The following PIGO variants were observed in gnomAD, a reference collection of about 807,000 sequenced individuals.
The protein encoded by PIGO is phosphatidylinositol glycan anchor biosynthesis class O.
Under a neutral mutation model 86.9 loss-of-function variants are expected in PIGO, and 66 were observed. That is an observed-to-expected ratio of 0.76 (90% CI 0.62 to 0.93). The LOEUF (loss-of-function observed/expected upper bound fraction) is 0.93. Ranked by LOEUF, PIGO falls within the 40% of genes least tolerant of loss-of-function variation. The pLI, the probability that PIGO is intolerant of heterozygous loss-of-function variation, is 0.00. For synonymous variants in PIGO, 570 were observed against 556.4 expected (o/e 1.02, Z -0.34); for missense variants, 1,202 against 1,359.1 (o/e 0.88, Z 1.82).
chr9:35,092,567 G>A lies in PIGO; in HGVS notation c.1320C>T (p.Ile440=), dbSNP rs780469801. 2.4e-5 allele frequency: 39 copies of A among 1,614,100 alleles called. No individual in the cohort carries two copies. The highest frequency in any genetic ancestry group is 8.0e-5 in the African/African-American group (6 of 74,942). Residue 440 remains isoleucine (I), a synonymous_variant, in exon 7 of 11, where the codon ATC becomes ATT. Coordinates refer to ENST00000378617, the MANE Select transcript of PIGO (RefSeq NM_032634.4). ...CCAGAGAGAAACGAGCCCAAGACTCGATGCACATGGCCCGAGCTCCCCGCA... is the reference window on the plus strand; with the variant it reads ...CCAGAGAGAAACGAGCCCAAGACTCAATGCACATGGCCCGAGCTCCCCGCA... ...QFLRGARAMC[I]ESWARFSLVR... is the part of the protein sequence containing the mutation.
rs754162274 is a variant in PIGO at position 35,096,580 on chromosome 9, TGCG to T, written c.-430_-428del. ...GCTCACCTGCAATGGCACCCGGAAG[TGCG>T]GCGGCGGCGGCGCCTGCGACCTGGC... On this transcript the variant is annotated 5_prime_UTR_variant, in exon 1 of 11. Transcript: ENST00000378617. 8.5e-5 allele frequency: 13 copies of T among 152,730 alleles called. No individual in the cohort carries two copies. The highest frequency in any genetic ancestry group is 1.9e-4 in the Non-Finnish European group (13 of 68,522). The allele number at this position is 152,730 out of a possible 1,614,324, so 9.5% of individuals were successfully genotyped here.
At chr9:35,094,144 CAG>C in intron 3 of PIGO, 70 bp downstream of exon 3, 3 of 1,555,772 alleles carry the variant, frequency 1.9e-6, no homozygotes, top group African/African-American at 2.8e-5. Flanking sequence ...ATAGGTGGCT[CAG>C]AATTTGTGGA....
chr9:35,093,450 TG>T lies in PIGO; in HGVS notation c.909del (p.Thr304GlnfsTer14). 1 of 1,614,140 alleles carries T rather than the reference TG, an allele frequency of 6.2e-7. No homozygotes were observed. Among genetic ancestry groups the T allele is most frequent in the Non-Finnish European group, 8.5e-7 (1 of 1,180,014 alleles). On this transcript the variant is annotated frameshift_variant, in exon 5 of 11. Transcript: ENST00000378617. LOFTEE classifies it high-confidence loss of function. ...EVSAALFLYSPTAVFPSTPPE... is the reference protein window; with the variant it reads ...EVSAALFLYSXTAVFPSTPPE... ...GGTGGGGTGCTGGGGAAGACTGCTG[TG>T]GGGCTATACAGAAAGAGAGCAGCTG... is the stretch of plus-strand genomic sequence containing the variant.
In PIGO at chr9:35,095,271, G is replaced by A. The variant is rs1477214866; in HGVS notation, c.295C>T (p.Pro99Ser). 1 of 1,614,158 alleles carries A rather than the reference G, an allele frequency of 6.2e-7. No individual in the cohort carries two copies. Among genetic ancestry groups the A allele is most frequent in the South Asian group, 1.1e-5 (1 of 91,080 alleles). The change falls in exon 2 of 11, where the codon CCC becomes TCC. Residue 99 changes from proline (P) to serine (S), a missense_variant. Pro to Ser is a moderately conservative substitution (Grantham distance 74). Transcript: ENST00000378617. ...HVPREPPVSL[P>S]FLGKLSSLQR... ...AAGGAGCTTAGTTTGCCCAGGAAGG[G>A]TAGGGAGACAGGAGGCTCTCTAGGC...
intron 5 of PIGO, 76 bp downstream of exon 5, chr9:35,093,345 G>A: frequency 1.3e-6 from 2 of 1,597,906 alleles, no homozygotes; most frequent in South Asian, 2.2e-5. Context: ...CTAAAATAGA[G>A]GTATTCATGA....
Position 35,096,209 on chromosome 9 carries a change from C to A in PIGO, c.-56G>T, listed in dbSNP as rs540586541. Reference sequence around the variant, plus strand: ...ATCTCAATACCCAGTGGAAAGGGATCGAAGCCGCAGGGGAATCCGGGCCCA... The same window carrying A: ...ATCTCAATACCCAGTGGAAAGGGATAGAAGCCGCAGGGGAATCCGGGCCCA... On this transcript the variant is annotated 5_prime_UTR_variant, in exon 1 of 11. Coordinates refer to ENST00000378617, the MANE Select transcript of PIGO (RefSeq NM_032634.4). The A allele has an allele frequency of 5.9e-5, 9 of 152,312 alleles. No individual in the cohort carries two copies. The highest frequency in any genetic ancestry group is 1.7e-4 in the African/African-American group (7 of 41,576). The allele number at this position is 152,312 out of a possible 1,614,324, so 9.4% of individuals were successfully genotyped here.
chr9:35,090,540 C>A lies in PIGO; in HGVS notation c.2780G>T (p.Gly927Val), dbSNP rs1158838373. 13 of 1,614,214 alleles carry A rather than the reference C, an allele frequency of 8.1e-6. No individual in the cohort carries two copies. Among genetic ancestry groups the A allele is most frequent in the Non-Finnish European group, 1.1e-5 (13 of 1,180,036 alleles). Reference sequence around the variant, plus strand: ...AGGCAGCCAAGTACAGGAGCCATGACCCTCTGGGAATCCCACGAAGGCTGC... The same window carrying A: ...AGGCAGCCAAGTACAGGAGCCATGAACCTCTGGGAATCCCACGAAGGCTGC... The part of the protein sequence containing the change: ...WHAAFVGFPE[G>V]HGSCTWLPAL... The change falls in exon 8 of 11, where the codon GGT becomes GTT. Residue 927 changes from glycine to valine, a missense_variant. By Grantham distance (109) the Gly-to-Val change is moderately radical. Coordinates refer to ENST00000378617, the MANE Select transcript of PIGO (RefSeq NM_032634.4).
rs371834214 is a variant in PIGO, at chr9:35,090,503, C to T, written c.2817G>A (p.Val939=). The change falls in exon 8 of 11, where the codon GTG becomes GTA. Residue 939 remains valine, a synonymous_variant. Transcript: ENST00000378617. ...GSCTWLPALL[V]GANTFASHLL... is the part of the protein sequence containing the mutation. ...GGTGGGAGGCAAAGGTGTTGGCTCC[C>T]ACTAGCAAAGCAGGCAGCCAAGTAC... 6.2e-7 allele frequency: 1 copy of T among 1,613,614 alleles called. No homozygotes were observed. Among genetic ancestry groups the T allele is most frequent in the African/African-American group, 1.3e-5 (1 of 75,044 alleles).
chr9:35,094,809 A>G (rs1829590103), intron 2 of PIGO, among the ~76,000 whole-genome samples: 1 of 152,162 alleles, frequency 6.6e-6, no homozygotes, highest in Non-Finnish European at 1.5e-5. Context: ...ATAGGAACAA[A>G]GCCCAGATCC....
At position 35,091,626 on chromosome 9, in the gene PIGO, C is replaced by G. The variant is rs1424475122; in HGVS notation, c.2261G>C (p.Gly754Ala). 3.1e-6 allele frequency: 5 copies of G among 1,613,556 alleles called. No homozygotes were observed. Among genetic ancestry groups the G allele is most frequent in the Non-Finnish European group, 3.4e-6 (4 of 1,180,030 alleles). Residue 754 changes from glycine to alanine, a missense_variant, in exon 7 of 11, where the codon GGG (glycine) becomes GCG (alanine). Coordinates refer to ENST00000378617, the MANE Select transcript of PIGO (RefSeq NM_032634.4). ...PRAVAGLAAS[G>A]LALLLWKPVT... Reference sequence around the variant, plus strand: ...AGGCTTCCAGAGCAGCAGCGCGAGCCCTGAAGCAGCCAGCCCTGCTACAGC... The same window carrying G: ...AGGCTTCCAGAGCAGCAGCGCGAGCGCTGAAGCAGCCAGCCCTGCTACAGC...
rs892211992 is a variant in PIGO, at chr9:35,093,227, T to C, written c.940-18A>G. ...TCTGGCTCCTAAAGGAAAATGACAG[T>C]GGTCAACAGATTCATCACAAAGCTG... On this transcript the variant is annotated intron_variant, in intron 5 of 10. Coordinates refer to ENST00000378617, the MANE Select transcript of PIGO (RefSeq NM_032634.4). 1.9e-6 allele frequency: 3 copies of C among 1,600,242 alleles called. No homozygotes were observed. Among genetic ancestry groups the C allele is most frequent in the African/African-American group, 2.7e-5 (2 of 74,716 alleles).
At position 35,093,547 on chromosome 9, in the gene PIGO, C is replaced by T; in HGVS notation, c.813G>A (p.Leu271=). Residue 271 remains leucine, a synonymous_variant, in exon 5 of 11, where the codon CTG becomes CTA. Transcript: ENST00000378617. Reference sequence around the variant, plus strand: ...TCCCATGGTCCCCAGCCACTACCAGCAGTGTGTCATTCTCCAGACGCTCCA... The same window carrying T: ...TCCCATGGTCCCCAGCCACTACCAGTAGTGTGTCATTCTCCAGACGCTCCA... ...GLVERLENDT[L]LVVAGDHGMT... The T allele has an allele frequency of 1.9e-6, 3 of 1,613,852 alleles. No homozygotes were observed. Among genetic ancestry groups the T allele is most frequent in the Non-Finnish European group, 2.5e-6 (3 of 1,179,906 alleles).
intron 10 of PIGO, 28 bp downstream of exon 10, chr9:35,089,352 C>A (rs1829311355): frequency 6.2e-7 from 1 of 1,614,220 alleles, no homozygotes. Flanking sequence ...CTCCCCACCA[C>A]CTCTACTTCT....
At position 35,093,035 on chromosome 9, in the gene PIGO, G is replaced by A. The variant is rs1276296360; in HGVS notation, c.1114C>T (p.Gln372Ter). Residue 372 changes from glutamine to a stop codon, truncating the protein, a stop_gained, in exon 6 of 11, where the codon CAG (glutamine) becomes TAG (stop). Coordinates refer to ENST00000378617, the MANE Select transcript of PIGO (RefSeq NM_032634.4). LOFTEE classifies it high-confidence loss of function. ...AACCCAGCCCGCTTACCTACCTGCT[G>A]AGCATTGAGATGGAGAGCTGAGGCT... ...AQASALHLNA[Q>*]QVSRFLHTYS... 5.0e-6 allele frequency: 8 copies of A among 1,605,058 alleles called. No individual in the cohort carries two copies. In the Admixed American group the frequency reaches 8.4e-5, roughly 17 times the overall value.
Position 35,090,452 on chromosome 9 carries a change from G to C in PIGO, c.2854+14C>G. The C allele has an allele frequency of 6.2e-7, 1 of 1,602,982 alleles. No individual in the cohort carries two copies. The highest frequency in any genetic ancestry group is 1.3e-5 in the African/African-American group (1 of 74,856). On this transcript the variant is annotated intron_variant, in intron 8 of 10. Coordinates refer to ENST00000378617, the MANE Select transcript of PIGO (RefSeq NM_032634.4). Reference sequence around the variant, plus strand: ...AGAGTAAACAATGGAAGCAAGTGAAGGAGGAGGGGGTACCTGCAAAGAGGA... The same window carrying C: ...AGAGTAAACAATGGAAGCAAGTGAACGAGGAGGGGGTACCTGCAAAGAGGA...
In PIGO at chr9:35,091,456, G is replaced by C. The variant is rs140470862; in HGVS notation, c.2431C>G (p.Arg811Gly). The C allele has an allele frequency of 4.3e-6, 7 of 1,614,028 alleles. No homozygotes were observed. The African/African-American group carries it at 9.3e-5, about 22-fold the overall frequency. The change falls in exon 7 of 11, where the codon CGG becomes GGG. Residue 811 changes from arginine (R) to glycine (G), a missense_variant. Transcript: ENST00000378617. ...YRHMQEEFRGRLERTKSQGPL... is the reference protein window; with the variant it reads ...YRHMQEEFRGGLERTKSQGPL... ...CCCTGAGATTTGGTCCTCTCTAACC[G>C]GCCCCGGAACTCCTCCTGCATGTGT...
rs766309673 is a variant in PIGO, at chr9:35,091,532, G to A, written c.2355C>T (p.Gly785=). ...CCAAGTCAGCTTGAGAAGTGGGGGG[G>A]CCTGAGAAGGGAGTGAGGACAGTCC... is the stretch of plus-strand genomic sequence containing the variant. ...RTRTVLTPFS[G]PPTSQADLDY... is the part of the protein sequence containing the mutation. Residue 785 remains glycine (G), a synonymous_variant, in exon 7 of 11, where the codon GGC becomes GGT. Coordinates refer to ENST00000378617, the MANE Select transcript of PIGO (RefSeq NM_032634.4). 1.2e-6 allele frequency: 2 copies of A among 1,614,070 alleles called. No homozygotes were observed. The highest frequency in any genetic ancestry group is 1.7e-6 in the Non-Finnish European group (2 of 1,180,044).
At chr9:35,091,058 G>T in intron 7 of PIGO, 182 bp downstream of exon 7, 1 of 683,366 alleles carries the variant, frequency 1.5e-6, no homozygotes, top group South Asian at 2.0e-5. Flanking sequence ...ACCAACAGGA[G>T]GGATCAATTT....
rs371923881 is a variant in PIGO, at chr9:35,091,896, C to G, written c.1991G>C (p.Arg664Pro). ...AGCTCCATACCACAAATTCTTGGCT[C>G]GACCACCCACCATGGATGCCAGAGG... ...LSPLASMVGG[R>P]AKNLWYGACV... The change falls in exon 7 of 11, where the codon CGA (arginine) becomes CCA (proline). Residue 664 changes from arginine (R) to proline (P), a missense_variant. By Grantham distance (103) the Arg-to-Pro change is moderately radical. Coordinates refer to ENST00000378617, the MANE Select transcript of PIGO (RefSeq NM_032634.4). 25 of 1,614,180 alleles carry G rather than the reference C, an allele frequency of 1.5e-5. No homozygotes were observed. Among genetic ancestry groups the G allele is most frequent in the Non-Finnish European group, 1.8e-5 (21 of 1,180,048 alleles).
Sources: gnomAD v4.1 joint callset for allele counts (sites outside exome capture counted in the v4.1 genomes callset) on GRCh38, gnomAD v4.1.1 for gene constraint, MANE v1.5 for transcripts, NCBI Gene and HGNC (gene_info 2026-07-23, HGNC 2026-07-21) for gene names.